The following TAAR5 variants were observed in gnomAD, a reference collection of about 807,000 sequenced individuals.
The protein encoded by TAAR5 is trace amine-associated receptor 5.
In TAAR5, 27 loss-of-function variants were observed where a neutral mutation model predicts 21.1. The observed-to-expected ratio is 1.28, with a 90% CI of 0.94 to 1.76. The LOEUF is 1.76. Among genes scored for constraint, TAAR5 ranks in the 40% most tolerant of loss-of-function variants. The pLI, the probability that TAAR5 is intolerant of heterozygous loss-of-function variation, is 0.00. For synonymous variants in TAAR5, 203 were observed against 167.5 expected (o/e 1.21, Z -1.64); for missense variants, 495 against 405.6 (o/e 1.22, Z -1.89).
rs144431699 is a variant in TAAR5 at position 132,588,760 on chromosome 6, G to T, written c.927C>A (p.Tyr309Ter). 4 of 1,614,074 alleles carry T rather than the reference G, an allele frequency of 2.5e-6. No homozygotes were observed. The African/African-American group carries it at 4.0e-5, about 16-fold the overall frequency. Residue 309 changes from tyrosine (Y) to a stop codon, truncating the protein, a stop_gained, in exon 1 of 1, where the codon TAC becomes TAA. Coordinates refer to ENST00000258034, the MANE Select transcript of TAAR5 (RefSeq NM_003967.3). LOFTEE classifies it high-confidence loss of function. ...GTTTCAGTGCCTTCCGAAACCACTGGTAGGAAAAGACATAGATGATGGGGT... is the reference window on the plus strand; with the variant it reads ...GTTTCAGTGCCTTCCGAAACCACTGTTAGGAAAAGACATAGATGATGGGGT... ...ACNPIIYVFS[Y>*]QWFRKALKLT...
chr6:132,604,147 T>A, the TAAR5 span, among the ~76,000 whole-genome samples: 3 of 37,158 alleles, frequency 8.1e-5, no homozygotes, highest in Admixed American at 4.5e-4. Flanking sequence ...TTTTCTTTTC[T>A]TTTTTTTTTT....
the TAAR5 span, among the ~76,000 whole-genome samples, chr6:132,616,374 T>C: frequency 6.6e-6 from 1 of 152,186 alleles, no homozygotes; most frequent in African/African-American, 2.4e-5. Context: ...AAAACTTTAG[T>C]AGATATTCCA....
chr6:132,600,847 A>AGGAG, the TAAR5 span, among the ~76,000 whole-genome samples: 1 of 79,322 alleles, frequency 1.3e-5, no homozygotes, highest in African/African-American at 5.4e-5. Flanking sequence ...GAGGGAAGGA[A>AGGAG]GGAAGGAGGG....
At chr6:132,595,794 T>C in the TAAR5 span, among the ~76,000 whole-genome samples, 2 of 152,330 alleles carry the variant, frequency 1.3e-5, no homozygotes, top group Non-Finnish European at 2.9e-5. Context: ...CTCGCTTATA[T>C]TGGACAGTTT....
At chr6:132,608,321 A>G in the TAAR5 span, 1 of 455,606 alleles carries the variant, frequency 2.2e-6, no homozygotes, top group South Asian at 1.6e-5. Flanking sequence ...ATGTACTTGA[A>G]TGCTTTCTGA....
Position 132,588,772 on chromosome 6 carries a change from A to G in TAAR5, c.915T>C (p.Tyr305=), listed in dbSNP as rs1484328212. The G allele has an allele frequency of 2.5e-6, 4 of 1,613,982 alleles. No individual in the cohort carries two copies. In the East Asian group the frequency reaches 8.9e-5, roughly 36 times the overall value. ...YFNSACNPII[Y]VFSYQWFRKA... is the part of the protein sequence containing the mutation. The stretch of plus-strand genomic sequence containing the variant: ...TCCGAAACCACTGGTAGGAAAAGAC[A>G]TAGATGATGGGGTTGCAGGCTGAGT... Residue 305 remains tyrosine (Y), a synonymous_variant, in exon 1 of 1, where the codon TAT becomes TAC. Transcript: ENST00000258034.
the TAAR5 span, among the ~76,000 whole-genome samples, chr6:132,612,671 T>C: frequency 2.6e-5 from 4 of 152,160 alleles, no homozygotes; most frequent in African/African-American, 7.2e-5. Flanking sequence ...CCGTGTCCCA[T>C]TAAGGTGTGA....
At chr6:132,606,434 G>A in the TAAR5 span, among the ~76,000 whole-genome samples, 1 of 152,104 alleles carries the variant, frequency 6.6e-6, no homozygotes, top group African/African-American at 2.4e-5. Context: ...TGAAGGGAGA[G>A]GCATGAGTGG....
chr6:132,589,322 A>T lies in TAAR5; in HGVS notation c.365T>A (p.Ile122Asn). ...AATGGAAATGAAACAGAGATGGAAG[A>T]TGGAGGTGAGGCAGAAGAGGGTGTC... ...YLDTLFCLTS[I>N]FHLCFISIDR... Residue 122 changes from isoleucine to asparagine, a missense_variant, in exon 1 of 1, where the codon ATC becomes AAC. By Grantham distance (149) the Ile-to-Asn change is moderately radical. Coordinates refer to ENST00000258034, the MANE Select transcript of TAAR5 (RefSeq NM_003967.3). 6.2e-7 allele frequency: 1 copy of T among 1,613,788 alleles called. No homozygotes were observed. The highest frequency in any genetic ancestry group is 8.5e-7 in the Non-Finnish European group (1 of 1,179,898).
In TAAR5 at chr6:132,589,606, T is replaced by A. The variant is rs1776874259; in HGVS notation, c.81A>T (p.Thr27=). 6.2e-7 allele frequency: 1 copy of A among 1,613,856 alleles called. No homozygotes were observed. Among genetic ancestry groups the A allele is most frequent in the Admixed American group, 1.7e-5 (1 of 59,990 alleles). The stretch of plus-strand genomic sequence containing the variant: ...CCAACTGGATGCCCAGAGTATGTAC[T>A]GTCCTGGGGCAAGACCCATTCACCT... The part of the protein sequence containing the change: ...CYQVNGSCPR[T]VHTLGIQLVI... The change falls in exon 1 of 1, where the codon ACA becomes ACT. Residue 27 remains threonine (T), a synonymous_variant. Transcript: ENST00000258034.
chr6:132,599,430 G>A, the TAAR5 span, among the ~76,000 whole-genome samples: 5 of 147,160 alleles, frequency 3.4e-5, no homozygotes, highest in African/African-American at 1.0e-4. Flanking sequence ...CTGGGTTCAA[G>A]TGATTCTCTT....
At chr6:132,609,975 A>G in the TAAR5 span, among the ~76,000 whole-genome samples, 1 of 115,594 alleles carries the variant, frequency 8.7e-6, no homozygotes, top group Non-Finnish European at 1.6e-5. Flanking sequence ...TCTACTCTTC[A>G]TGCTCCTTCC....
the TAAR5 span, among the ~76,000 whole-genome samples, chr6:132,613,540 T>A: frequency 6.6e-6 from 1 of 152,198 alleles, no homozygotes; most frequent in Non-Finnish European, 1.5e-5. Flanking sequence ...AATTTCCCAC[T>A]GGGACCTTTT....
the TAAR5 span, among the ~76,000 whole-genome samples, chr6:132,602,120 G>A: frequency 6.6e-6 from 1 of 151,232 alleles, no homozygotes. Context: ...CTTTATTTTA[G>A]CTGTAGTCTA....
At chr6:132,603,765 A>G in the TAAR5 span, among the ~76,000 whole-genome samples, 1 of 152,160 alleles carries the variant, frequency 6.6e-6, no homozygotes, top group Non-Finnish European at 1.5e-5. Flanking sequence ...CTGTATTTGT[A>G]AGTAAGTCAT....
the TAAR5 span, among the ~76,000 whole-genome samples, chr6:132,599,198 G>A: frequency 6.6e-6 from 1 of 152,130 alleles, no homozygotes; most frequent in East Asian, 1.9e-4. Flanking sequence ...ATTTCCATTA[G>A]TGTGCCATAA....
the TAAR5 span, among the ~76,000 whole-genome samples, chr6:132,598,882 A>G: frequency 6.6e-6 from 1 of 152,148 alleles, no homozygotes; most frequent in Non-Finnish European, 1.5e-5. Flanking sequence ...GAAGGATGGG[A>G]GAGAGGAAGG....
the TAAR5 span, among the ~76,000 whole-genome samples, chr6:132,613,902 T>A: frequency 1.3e-5 from 2 of 152,210 alleles, no homozygotes; most frequent in Admixed American, 1.3e-4. Context: ...TCTTCTAGGA[T>A]CCACCTATTT....
chr6:132,589,272 G>C lies in TAAR5; in HGVS notation c.415C>G (p.Pro139Ala). 6.2e-7 allele frequency: 1 copy of C among 1,610,894 alleles called. No individual in the cohort carries two copies. The highest frequency in any genetic ancestry group is 8.5e-7 in the Non-Finnish European group (1 of 1,178,358). Residue 139 changes from proline to alanine, a missense_variant, in exon 1 of 1, where the codon CCC becomes GCC. Physicochemically the swap from Pro to Ala is conservative, Grantham distance 27. Coordinates refer to ENST00000258034, the MANE Select transcript of TAAR5 (RefSeq NM_003967.3). The part of the protein sequence containing the change: ...SIDRHCAICD[P>A]LLYPSKFTVR... The stretch of plus-strand genomic sequence containing the variant: ...GTGAACTTGGAGGGATAGAGCAGGG[G>C]GTCACAGATGGCACAGTGGCGGTCA...
Sources: gnomAD v4.1 joint callset for allele counts (sites outside exome capture counted in the v4.1 genomes callset) on GRCh38, gnomAD v4.1.1 for gene constraint, MANE v1.5 for transcripts, NCBI Gene and HGNC (gene_info 2026-07-23, HGNC 2026-07-21) for gene names.